MALRD1: variants seen among roughly 807,000 people sequenced by gnomAD.
MALRD1 encodes the protein MAM and LDL-receptor class A domain-containing protein 1.
MALRD1 carries 247 observed loss-of-function variants against 242.1 expected under a neutral mutation model. That is an observed-to-expected ratio of 1.02 (90% CI 0.92 to 1.13). The LOEUF (loss-of-function observed/expected upper bound fraction) is 1.13. Among genes scored for constraint, MALRD1 ranks in the 50% most tolerant of loss-of-function variants. The probability of loss-of-function intolerance (pLI) is 0.00; values close to 1 mark genes in which losing one functional copy is unlikely to be tolerated. For synonymous variants in MALRD1, 995 were observed against 866.6 expected (o/e 1.15, Z -2.60); for missense variants, 2,989 against 2,533.1 (o/e 1.18, Z -3.86).
chr10:19,350,497 G>A (rs542885764), intron 25 of MALRD1, among the ~76,000 whole-genome samples: 36 of 151,868 alleles, frequency 2.4e-4, no homozygotes, highest in African/African-American at 7.2e-4. Flanking sequence ...GGCTGGTCTC[G>A]AACTCCTGAC....
At chr10:19,188,688 G>A (rs1835842840) in intron 14 of MALRD1, among the ~76,000 whole-genome samples, 1 of 152,144 alleles carries the variant, frequency 6.6e-6, no homozygotes, top group Non-Finnish European at 1.5e-5. Flanking sequence ...CTACAGCTCA[G>A]CTGTTATTGT....
At chr10:19,615,965 A>T (rs1839138524) in intron 36 of MALRD1, 42 bp downstream of exon 36, 2 of 1,432,666 alleles carry the variant, frequency 1.4e-6, no homozygotes, top group Admixed American at 4.1e-5. Flanking sequence ...GATTTTTTGG[A>T]GTTGGCTTAC....
At chr10:19,272,641 C>T (rs1180607093) in intron 19 of MALRD1, among the ~76,000 whole-genome samples, 2 of 152,132 alleles carry the variant, frequency 1.3e-5, no homozygotes, top group East Asian at 1.9e-4. Context: ...GGTTTTAAGC[C>T]GTGCATGCAT....
intron 38 of MALRD1, among the ~76,000 whole-genome samples, chr10:19,729,773 G>T (rs1214979585): frequency 2.8e-5 from 3 of 107,682 alleles, no homozygotes; most frequent in African/African-American, 3.6e-5. Flanking sequence ...GTCTCGCTCT[G>T]TGGCCCAGGC....
Position 19,389,585 on chromosome 10 carries a change from A to G in MALRD1, c.4821A>G (p.Thr1607=). 6.4e-7 allele frequency: 1 copy of G among 1,550,540 alleles called. No individual in the cohort carries two copies. Among genetic ancestry groups the G allele is most frequent in the Non-Finnish European group, 8.7e-7 (1 of 1,146,888 alleles). ...GGTATTTCGTATCTGCAAAGGCCAC[A>G]GGATCCATTCAGATTCTCATCAAGG... The part of the protein sequence containing the change: ...SFWYFVSAKA[T]GSIQILIKTE... The change falls in exon 28 of 40, where the codon ACA becomes ACG. Residue 1607 remains threonine, a synonymous_variant. Coordinates refer to ENST00000454679, the MANE Select transcript of MALRD1 (RefSeq NM_001142308.3).
chr10:19,332,463 A>G (rs1007670762), intron 24 of MALRD1, among the ~76,000 whole-genome samples: 1 of 152,150 alleles, frequency 6.6e-6, no homozygotes, highest in Non-Finnish European at 1.5e-5. Context: ...AATGCACCAT[A>G]TGTACTCAAT....
intron 32 of MALRD1, among the ~76,000 whole-genome samples, chr10:19,556,981 C>T (rs1200059356): frequency 1.3e-5 from 2 of 151,988 alleles, no homozygotes; most frequent in Non-Finnish European, 2.9e-5. Flanking sequence ...TTGGAAATAG[C>T]CATTTTAAAA....
intron 5 of MALRD1, among the ~76,000 whole-genome samples, chr10:19,113,834 C>G (rs28710430): frequency 3.3e-5 from 5 of 149,898 alleles, no homozygotes; most frequent in African/African-American, 1.2e-4. Context: ...CACACACAGA[C>G]ACACACACAC....
chr10:19,141,213 A>ATCTAATTT (rs1275977978), intron 10 of MALRD1, among the ~76,000 whole-genome samples: 1 of 152,228 alleles, frequency 6.6e-6, no homozygotes, highest in Non-Finnish European at 1.5e-5. Flanking sequence ...CATGAAATAG[A>ATCTAATTT]TCTAATTTTC....
intron 36 of MALRD1, among the ~76,000 whole-genome samples, chr10:19,636,960 G>C (rs1444021153): frequency 4.7e-5 from 7 of 148,776 alleles, no homozygotes; most frequent in African/African-American, 1.7e-4. Flanking sequence ...ATATTATTTT[G>C]TCAATAAATT....
intron 28 of MALRD1, among the ~76,000 whole-genome samples, chr10:19,398,056 A>C (rs1846667605): frequency 1.3e-5 from 2 of 151,690 alleles, no homozygotes; most frequent in Non-Finnish European, 2.9e-5. Context: ...TATATTCTGG[A>C]TATTATCCCT....
chr10:19,690,206 CT>C (rs2131818329), intron 36 of MALRD1, among the ~76,000 whole-genome samples: 1 of 152,150 alleles, frequency 6.6e-6, no homozygotes, highest in South Asian at 2.1e-4. Context: ...CCAAAAATAA[CT>C]AAAATTCAAC....
intron 36 of MALRD1, among the ~76,000 whole-genome samples, chr10:19,689,858 C>G (rs374413023): frequency 1.3e-5 from 2 of 152,098 alleles, no homozygotes; most frequent in East Asian, 1.9e-4. Context: ...TTTCTTCAAG[C>G]AGCACCATAT....
chr10:19,061,934 A>C (rs1834834639), intron 1 of MALRD1, among the ~76,000 whole-genome samples: 2 of 152,216 alleles, frequency 1.3e-5, no homozygotes. Flanking sequence ...GACTTCATTG[A>C]AATTAAAAAC....
chr10:19,450,226 A>G (rs1835243155), intron 28 of MALRD1, 81 bp from the exon 29 acceptor site: 2 of 1,188,592 alleles, frequency 1.7e-6, no homozygotes, highest in Admixed American at 5.6e-5. Flanking sequence ...CTTCTGAGAT[A>G]AATAACTGGG....
Position 19,618,936 on chromosome 10 carries a change from A to G in MALRD1, c.6137+3013A>G, listed in dbSNP as rs926915684. On this transcript the variant is annotated intron_variant, in intron 36 of 39. Coordinates refer to ENST00000454679, the MANE Select transcript of MALRD1 (RefSeq NM_001142308.3). ...CTTGCAGTTTCTCTTCTGTTTGTCT[A>G]CACTCGCTCACTCTCTAATCTTGCC... is the stretch of plus-strand genomic sequence containing the variant. 3.1e-4 allele frequency among the ~76,000 whole-genome samples: 47 copies of G among 151,934 alleles called. 2 individuals are homozygous for G. Among genetic ancestry groups the G allele is most frequent in the Non-Finnish European group, 5.9e-5 (4 of 67,966 alleles).
chr10:19,047,218 C>A (rs966643155), upstream of MALRD1, among the ~76,000 whole-genome samples: 1 of 152,114 alleles, frequency 6.6e-6, no homozygotes, highest in Non-Finnish European at 1.5e-5. Context: ...CAGGAACAAT[C>A]TACAGGTTCC....
At chr10:19,427,274 T>C (rs1482327044) in intron 28 of MALRD1, among the ~76,000 whole-genome samples, 1 of 152,224 alleles carries the variant, frequency 6.6e-6, no homozygotes, top group African/African-American at 2.4e-5. Flanking sequence ...CCCAAGGCTT[T>C]AAGGGACATA....
rs1443228617 is a variant in MALRD1, at chr10:19,292,901, A to AAC, written c.3419+9721_3419+9722insCA. Among the ~76,000 whole-genome samples, 23 of 151,562 alleles carry AAC rather than the reference A, an allele frequency of 1.5e-4. 1 individual carries two copies. The highest frequency in any genetic ancestry group is 5.3e-4 in the African/African-American group (22 of 41,286). ...GAGCGAGACTCTGCCTCAAAAAAAA[A>AAC]AAAAAAAAAAAAAATGCAAACTATG... On this transcript the variant is annotated intron_variant, in intron 21 of 39. Transcript: ENST00000454679.
Sources: allele counts gnomAD v4.1 joint callset (sites outside exome capture counted in the v4.1 genomes callset), GRCh38; gene constraint gnomAD v4.1.1; transcripts MANE v1.5; gene names NCBI Gene and HGNC (gene_info 2026-07-23, HGNC 2026-07-21).